The following ESR1 variants were observed in gnomAD, a reference collection of about 807,000 sequenced individuals.
ESR1 encodes estrogen receptor.
ESR1 carries 12 observed loss-of-function variants against 52.7 expected under a neutral mutation model. The observed-to-expected ratio is 0.23, with a 90% CI of 0.15 to 0.37. ESR1 has a LOEUF of 0.37. Among genes scored for constraint, ESR1 ranks in the 10% least tolerant of loss-of-function variants. The probability of loss-of-function intolerance (pLI) is 1.00; values close to 1 mark genes in which losing one functional copy is unlikely to be tolerated. For missense variants in ESR1, 584 were observed against 779.7 expected, an observed-to-expected ratio of 0.75 and a Z score of 2.99; for synonymous variants, 305 against 316.8, an observed-to-expected ratio of 0.96 and a Z score of 0.39.
Position 151,928,614 on chromosome 6 carries a change from T to C in ESR1, c.761-15559T>C, listed in dbSNP as rs193186605. ...TCTGCTTGCTTTAAGCTTATCTAGTTTTTTTCTTCTCTAGTTTCCTTAGGT... is the reference window on the plus strand; with the variant it reads ...TCTGCTTGCTTTAAGCTTATCTAGTCTTTTTCTTCTCTAGTTTCCTTAGGT... On this transcript the variant is annotated intron_variant, in intron 3 of 7. Coordinates refer to ENST00000206249, the MANE Select transcript of ESR1 (RefSeq NM_000125.4). Among the ~76,000 whole-genome samples, 541 of 152,086 alleles carry C rather than the reference T, an allele frequency of 3.6e-3. 2 individuals are homozygous for C. The highest frequency in any genetic ancestry group is 5.4e-3 in the South Asian group (26 of 4,814).
intron 1 of ESR1, among the ~76,000 whole-genome samples, chr6:151,835,947 G>A (rs1362493097): frequency 6.6e-6 from 1 of 152,134 alleles, no homozygotes; most frequent in African/African-American, 2.4e-5. Context: ...AAAGGCAGTG[G>A]TCACAGATAC....
intron 5 of ESR1, among the ~76,000 whole-genome samples, chr6:152,040,955 T>C (rs2045740781): frequency 6.6e-6 from 1 of 152,196 alleles, no homozygotes; most frequent in African/African-American, 2.4e-5. Context: ...CATTTGATGA[T>C]GGAATGCTGC....
chr6:151,807,966 C>A lies in ESR1; in HGVS notation c.54C>A (p.Ile18=), dbSNP rs766314434. ...KASGMALLHQ[I]QGNELEPLNR... ...CTGGGATGGCCCTACTGCATCAGAT[C>A]CAAGGGAACGAGCTGGAGCCCCTGA... Residue 18 remains isoleucine, a synonymous_variant, in exon 1 of 8, where the codon ATC becomes ATA. Coordinates refer to ENST00000206249, the MANE Select transcript of ESR1 (RefSeq NM_000125.4). 2 of 1,613,908 alleles carry A rather than the reference C, an allele frequency of 1.2e-6. No homozygotes were observed. The highest frequency in any genetic ancestry group is 1.7e-6 in the Non-Finnish European group (2 of 1,180,000).
At chr6:152,040,108 A>C (rs2045660852) in intron 5 of ESR1, among the ~76,000 whole-genome samples, 1 of 152,170 alleles carries the variant, frequency 6.6e-6, no homozygotes, top group African/African-American at 2.4e-5. Flanking sequence ...CCTGCCACCA[A>C]GTAGCTGGCT....
intron 3 of ESR1, among the ~76,000 whole-genome samples, chr6:151,916,403 G>T (rs2030198921): frequency 1.3e-5 from 2 of 152,170 alleles, no homozygotes; most frequent in South Asian, 4.1e-4. Flanking sequence ...ACAAGACACA[G>T]AGTTAAGTAG....
At chr6:152,114,849 C>T (rs1425447576) in intron 6 of ESR1, among the ~76,000 whole-genome samples, 1 of 140,964 alleles carries the variant, frequency 7.1e-6, no homozygotes, top group Non-Finnish European at 1.5e-5. Flanking sequence ...CGAGATCGCG[C>T]CACTGCACTC....
intron 3 of ESR1, among the ~76,000 whole-genome samples, chr6:151,893,640 G>C (rs578014543): frequency 6.6e-6 from 1 of 152,076 alleles, no homozygotes; most frequent in Non-Finnish European, 1.5e-5. Context: ...AAAAATTATT[G>C]ATACATTATG....
chr6:151,748,782 G>T (rs1261153851), intron 2 of ESR1, among the ~76,000 whole-genome samples: 1 of 152,066 alleles, frequency 6.6e-6, no homozygotes, highest in African/African-American at 2.4e-5. Flanking sequence ...TATAAAGCTT[G>T]AAGTTCAACA....
downstream of ESR1, among the ~76,000 whole-genome samples, chr6:152,107,241 T>C (rs778796457): frequency 3.3e-5 from 5 of 152,210 alleles, no homozygotes; most frequent in African/African-American, 4.8e-5. Context: ...TATGTTGGTA[T>C]GCTTGATGTC....
At chr6:152,078,450 ACT>A (rs1333573359) in intron 6 of ESR1, among the ~76,000 whole-genome samples, 7 of 152,034 alleles carry the variant, frequency 4.6e-5, no homozygotes, top group African/African-American at 1.7e-4. Context: ...ATATTTTTAT[ACT>A]CTGTCAGGAA....
intron 6 of ESR1, chr6:152,121,957 G>A (rs967462306): frequency 6.1e-6 from 1 of 164,952 alleles, no homozygotes; most frequent in Non-Finnish European, 1.4e-5. Flanking sequence ...TGCCATATAA[G>A]CTCTTAAAAA....
chr6:151,731,293 T>C (rs1038948879), intron 2 of ESR1, among the ~76,000 whole-genome samples: 4 of 151,362 alleles, frequency 2.6e-5, no homozygotes, highest in Admixed American at 2.6e-4. Context: ...GAGGTGGAGG[T>C]TGCAGTGAGC....
intron 2 of ESR1, among the ~76,000 whole-genome samples, chr6:151,752,776 T>C (rs1436518445): frequency 1.3e-5 from 2 of 152,240 alleles, no homozygotes; most frequent in East Asian, 3.8e-4. Context: ...TTATGAGGGT[T>C]CTGAGCAGTA....
chr6:151,770,204 C>T (rs1785404000), intron 2 of ESR1, among the ~76,000 whole-genome samples: 2 of 152,046 alleles, frequency 1.3e-5, no homozygotes, highest in Non-Finnish European at 2.9e-5. Flanking sequence ...TCTAGTAGAC[C>T]TAGACCTGGG....
intron 2 of ESR1, among the ~76,000 whole-genome samples, chr6:151,785,873 T>G (rs1489066346): frequency 4.8e-4 from 73 of 152,158 alleles, no homozygotes; most frequent in Non-Finnish European, 1.5e-5. Flanking sequence ...CTGATGCCTG[T>G]GTGTTGAGTG....
intron 2 of ESR1, among the ~76,000 whole-genome samples, chr6:151,720,653 C>T (rs1422592421): frequency 6.6e-6 from 1 of 152,032 alleles, no homozygotes; most frequent in Non-Finnish European, 1.5e-5. Flanking sequence ...AGTATAATTG[C>T]TTTTATAGTA....
intron 3 of ESR1, among the ~76,000 whole-genome samples, chr6:151,923,799 A>G (rs567140826): frequency 2.0e-5 from 3 of 152,296 alleles, no homozygotes; most frequent in East Asian, 3.9e-4. Context: ...GTGCATGTGT[A>G]TTTTCAAATT....
At chr6:151,714,326 G>A (rs1353901958) in intron 2 of ESR1, among the ~76,000 whole-genome samples, 1 of 152,158 alleles carries the variant, frequency 6.6e-6, no homozygotes. Flanking sequence ...GTTTGGGGTG[G>A]AGACTTCTAT....
chr6:151,910,274 A>C (rs1445688802), intron 3 of ESR1, among the ~76,000 whole-genome samples: 1 of 152,104 alleles, frequency 6.6e-6, no homozygotes, highest in Non-Finnish European at 1.5e-5. Flanking sequence ...TTTAAGTAGC[A>C]ACATGTGGCT....
Sources: allele counts gnomAD v4.1 joint callset (sites outside exome capture counted in the v4.1 genomes callset), GRCh38; gene constraint gnomAD v4.1.1; transcripts MANE v1.5; gene names NCBI Gene and HGNC (gene_info 2026-07-23, HGNC 2026-07-21).